UBE2O: variants seen among roughly 807,000 people sequenced by gnomAD.
UBE2O encodes (E3-independent) E2 ubiquitin-conjugating enzyme.
Under a neutral mutation model 125.8 loss-of-function variants are expected in UBE2O, and 15 were observed. The ratio of observed to expected loss-of-function variants is 0.12; its 90% CI spans 0.08 to 0.18. UBE2O has a LOEUF of 0.18. Ranked by LOEUF, UBE2O falls within the 10% of genes least tolerant of loss-of-function variation. UBE2O has a pLI of 1.00. For synonymous variants in UBE2O, 708 were observed against 703.2 expected (o/e 1.01, Z -0.11); for missense variants, 1,280 against 1,723.6 (o/e 0.74, Z 4.56).
intron 13 of UBE2O, among the ~76,000 whole-genome samples, chr17:76,397,320 C>T (rs909410571): frequency 2.0e-5 from 3 of 152,182 alleles, no homozygotes; most frequent in African/African-American, 7.2e-5. Context: ...CCTGTGTGGA[C>T]CAGGAGAGGA....
At chr17:76,418,571 T>C (rs2072653275) in intron 1 of UBE2O, among the ~76,000 whole-genome samples, 2 of 148,448 alleles carry the variant, frequency 1.3e-5, no homozygotes, top group African/African-American at 4.9e-5. Context: ...AGGAACAGGT[T>C]TTTTTTTTTT....
rs753075861 is a variant in UBE2O, at chr17:76,398,601, A to G, written c.1784-17T>C. ...AGCTCTGGACTAGGGAACCAGAGAA[A>G]GGGAAGTGACTAGCTAAGGGATCCC... is the stretch of plus-strand genomic sequence containing the variant. On this transcript the variant is annotated splice_polypyrimidine_tract_variant and intron_variant, in intron 10 of 17. Transcript: ENST00000319380. This position sits in a 1 kb window ranked among gnomAD's most constrained non-coding sequence, Gnocchi z 5.4. 6.2e-7 allele frequency: 1 copy of G among 1,611,078 alleles called. No homozygotes were observed. The highest frequency in any genetic ancestry group is 1.3e-5 in the African/African-American group (1 of 74,974).
At chr17:76,394,318 G>A (rs1343908836) in intron 15 of UBE2O, among the ~76,000 whole-genome samples, 1 of 152,194 alleles carries the variant, frequency 6.6e-6, no homozygotes, top group African/African-American at 2.4e-5. Flanking sequence ...GCCCAGTAAG[G>A]GACTGCGGAG....
intron 1 of UBE2O, among the ~76,000 whole-genome samples, chr17:76,443,634 G>C (rs1468359014): frequency 6.6e-6 from 1 of 151,994 alleles, no homozygotes; most frequent in Non-Finnish European, 1.5e-5. Flanking sequence ...GGGATGGGAA[G>C]GGCAGTCACA....
intron 1 of UBE2O, among the ~76,000 whole-genome samples, chr17:76,446,256 C>T (rs1360183069): frequency 6.6e-6 from 1 of 152,154 alleles, no homozygotes; most frequent in Non-Finnish European, 1.5e-5. Flanking sequence ...CTGAGGGGAC[C>T]GACCACCAGC....
intron 1 of UBE2O, among the ~76,000 whole-genome samples, chr17:76,434,312 C>T (rs1356818070): frequency 6.6e-6 from 1 of 152,128 alleles, no homozygotes; most frequent in Non-Finnish European, 1.5e-5. Flanking sequence ...AAAACTCCTT[C>T]TTATTCTGAT....
chr17:76,400,027 C>T lies in UBE2O; in HGVS notation c.1156-106G>A, dbSNP rs767708665. The T allele has an allele frequency of 9.8e-6, 15 of 1,524,464 alleles. No individual in the cohort carries two copies. Among genetic ancestry groups the T allele is most frequent in the Admixed American group, 3.9e-5 (2 of 51,212 alleles). The allele number at this position is 1,524,464 out of a possible 1,614,324, so 94.4% of individuals were successfully genotyped here. A position where few individuals can be genotyped will look rare whatever the true frequency, so the allele number is the denominator to read the frequency against. ...TGACAGCTGTATACACCTGAGTAGC[C>T]GGCAAGGGTCATCAGGGCTGCCCCC... On this transcript the variant is annotated intron_variant, in intron 8 of 17. Coordinates refer to ENST00000319380, the MANE Select transcript of UBE2O (RefSeq NM_022066.4). This position sits in a 1 kb window ranked among gnomAD's most constrained non-coding sequence, Gnocchi z 4.3.
intron 15 of UBE2O, 30 bp from the exon 16 acceptor site, chr17:76,392,143 G>C (rs12452388): frequency 7.5e-7 from 1 of 1,336,588 alleles, no homozygotes; most frequent in African/African-American, 1.5e-5. Context: ...GGGAGGCCAA[G>C]GTTGGCAGGG....
Position 76,405,521 on chromosome 17 carries a change from G to T in UBE2O, c.469C>A (p.Arg157=). The T allele has an allele frequency of 1.3e-6, 2 of 1,597,838 alleles. No individual in the cohort carries two copies. Among genetic ancestry groups the T allele is most frequent in the Middle Eastern group, 1.7e-4 (1 of 6,034 alleles). The change falls in exon 2 of 18, where the codon CGA becomes AGA. Residue 157 remains arginine, a synonymous_variant. Coordinates refer to ENST00000319380, the MANE Select transcript of UBE2O (RefSeq NM_022066.4). The surrounding 1 kb of genome is among the most constrained non-coding windows in gnomAD (Gnocchi z 6.1). ...GGGGACGCAGGACTCACGGTGGATC[G>T]CATGTGCCGGACCACATCTCGGGGC... The part of the protein sequence containing the change: ...VVPRDVVRHM[R]STDSQCGTVI...
At position 76,399,468 on chromosome 17, in the gene UBE2O, C is replaced by T. The variant is rs1171762681; in HGVS notation, c.1609G>A (p.Asp537Asn). ...HKRKKNKITR[D>N]FKPGDRVAVE... Reference sequence around the variant, plus strand: ...GTTTACCTGTCCCCTGGCTTGAAGTCTCGAGTGATTTTATTCTTCTTCCTC... The same window carrying T: ...GTTTACCTGTCCCCTGGCTTGAAGTTTCGAGTGATTTTATTCTTCTTCCTC... The change falls in exon 9 of 18, where the codon GAC (aspartate) becomes AAC (asparagine). Residue 537 changes from aspartate to asparagine, a missense_variant. Around this residue, in one of 10 missense-constraint regions of UBE2O, gnomAD observed 145 missense variants for 219.6 expected, o/e 0.66. Transcript: ENST00000319380. This position sits in a 1 kb window ranked among gnomAD's most constrained non-coding sequence, Gnocchi z 6.9. 6.2e-7 allele frequency: 1 copy of T among 1,614,072 alleles called. No homozygotes were observed. Among genetic ancestry groups the T allele is most frequent in the East Asian group, 2.2e-5 (1 of 44,884 alleles).
At chr17:76,392,591 G>A (rs1417119518) in intron 15 of UBE2O, among the ~76,000 whole-genome samples, 2 of 151,776 alleles carry the variant, frequency 1.3e-5, no homozygotes, top group East Asian at 3.9e-4. Context: ...ATTGAACCCT[G>A]GCTAAGAGAA....
In UBE2O at chr17:76,396,653, G is replaced by A. The variant is rs1326547315; in HGVS notation, c.2284C>T (p.Pro762Ser). ...TCAGGGGCCACCGGCTGCTCCAGGG[G>A]TGGGATGGGGGGCTCCTCTATCTTG... ...HPKIEEPPIPPLEQPVAPEDK... is the reference protein window; with the variant it reads ...HPKIEEPPIPSLEQPVAPEDK... The change falls in exon 14 of 18, where the codon CCC (proline) becomes TCC (serine). Residue 762 changes from proline (P) to serine (S), a missense_variant. By Grantham distance (74) the Pro-to-Ser change is moderately conservative. Around this residue, in one of 10 missense-constraint regions of UBE2O, gnomAD observed 210 missense variants for 268.9 expected, o/e 0.78. Transcript: ENST00000319380. The surrounding 1 kb of genome is among the most constrained non-coding windows in gnomAD (Gnocchi z 6.7). The A allele has an allele frequency of 1.9e-6, 3 of 1,613,480 alleles. No individual in the cohort carries two copies. The highest frequency in any genetic ancestry group is 2.5e-6 in the Non-Finnish European group (3 of 1,180,018).
rs764394968 is a variant in UBE2O at position 76,400,336 on chromosome 17, C to T, written c.1005-39G>A. 3.1e-6 allele frequency: 5 copies of T among 1,607,554 alleles called. No individual in the cohort carries two copies. The Admixed American group carries it at 8.4e-5, about 27-fold the overall frequency. On this transcript the variant is annotated intron_variant, in intron 7 of 17. Coordinates refer to ENST00000319380, the MANE Select transcript of UBE2O (RefSeq NM_022066.4). This position sits in a 1 kb window ranked among gnomAD's most constrained non-coding sequence, Gnocchi z 4.3. ...AAGTGGGGGTGAGCTGGGCTGGACT[C>T]CTGGGAGGCCAGCAGTGTTCTTAAG...
chr17:76,416,938 A>G (rs757033675), intron 1 of UBE2O, among the ~76,000 whole-genome samples: 3 of 152,184 alleles, frequency 2.0e-5, no homozygotes, highest in Non-Finnish European at 4.4e-5. Flanking sequence ...GGCTGGTCAC[A>G]TGGAGGCTAC....
chr17:76,402,765 C>A lies in UBE2O; in HGVS notation c.589-66G>T. 1 of 1,302,302 alleles carries A rather than the reference C, an allele frequency of 7.7e-7. No homozygotes were observed. The highest frequency in any genetic ancestry group is 1.7e-5 in the Admixed American group (1 of 59,518). The allele number at this position is 1,302,302 out of a possible 1,614,324, so 80.7% of individuals were successfully genotyped here. The stretch of plus-strand genomic sequence containing the variant: ...AACGTTCATGTCCAGGGCACAGATT[C>A]CTCTATGCCCCACCGAAGACAGGAT... On this transcript the variant is annotated intron_variant, in intron 3 of 17. Transcript: ENST00000319380. The surrounding 1 kb of genome is among the most constrained non-coding windows in gnomAD (Gnocchi z 5.4).
At chr17:76,451,411 G>C (rs760763080) in intron 1 of UBE2O, among the ~76,000 whole-genome samples, 2 of 152,238 alleles carry the variant, frequency 1.3e-5, no homozygotes, top group Non-Finnish European at 2.9e-5. Flanking sequence ...AGGGGAAGCA[G>C]GGTCCTGTGT....
intron 1 of UBE2O, among the ~76,000 whole-genome samples, chr17:76,424,856 T>A (rs553598627): frequency 3.2e-4 from 48 of 151,630 alleles, no homozygotes; most frequent in East Asian, 1.4e-3. Flanking sequence ...TTTCTTTTTT[T>A]TTTTTTATTT....
At position 76,390,846 on chromosome 17, in the gene UBE2O, G is replaced by A; in HGVS notation, c.*97C>T. 4 of 1,296,232 alleles carry A rather than the reference G, an allele frequency of 3.1e-6. No individual in the cohort carries two copies. Among genetic ancestry groups the A allele is most frequent in the African/African-American group, 1.5e-5 (1 of 67,868 alleles). 80.3% of individuals were successfully genotyped at this position (1,296,232 alleles called of 1,614,324 possible). ...AAGAGGGCAGTGGGTTTGCAGTGGG[G>A]ACAGAGGGGCATGGGAAGAGGGGTG... On this transcript the variant is annotated 3_prime_UTR_variant, in exon 18 of 18. Coordinates refer to ENST00000319380, the MANE Select transcript of UBE2O (RefSeq NM_022066.4).
At chr17:76,397,774 C>T in intron 13 of UBE2O, 25 bp downstream of exon 13, 1 of 1,609,736 alleles carries the variant, frequency 6.2e-7, no homozygotes. Flanking sequence ...ACAAGCTCAG[C>T]AGGGGGGTCT....
Sources: allele counts gnomAD v4.1 joint callset (sites outside exome capture counted in the v4.1 genomes callset), GRCh38; gene constraint gnomAD v4.1.1; regional missense constraint gnomAD v4.1.1; non-coding constraint Gnocchi (gnomAD v3.1); transcripts MANE v1.5; gene names NCBI Gene and HGNC (gene_info 2026-07-23, HGNC 2026-07-21).